Variants in ZNF679 observed in about 807,000 individuals in gnomAD.
The protein encoded by ZNF679 is zinc finger protein 679.
Under a neutral mutation model 13.4 loss-of-function variants are expected in ZNF679, and 10 were observed. That is an observed-to-expected ratio of 0.75 (90% CI 0.46 to 1.27). The LOEUF is 1.27. Ranked by LOEUF, ZNF679 falls within the 50% of genes most tolerant of loss-of-function variation. The pLI, the probability that ZNF679 is intolerant of heterozygous loss-of-function variation, is 0.00. For synonymous variants in ZNF679, 179 were observed against 162.5 expected, an observed-to-expected ratio of 1.10 and a Z score of -0.77; for missense variants, 525 against 477.8, an observed-to-expected ratio of 1.10 and a Z score of -0.92.
At chr7:64,247,079 A>C (rs1353123654) in intron 1 of ZNF679, among the ~76,000 whole-genome samples, 2 of 152,170 alleles carry the variant, frequency 1.3e-5, no homozygotes, top group Non-Finnish European at 2.9e-5. Flanking sequence ...ACTGGTGGGA[A>C]TGTCTTTCGC....
chr7:64,262,508 A>G (rs1218196723), intron 4 of ZNF679, among the ~76,000 whole-genome samples: 1 of 152,248 alleles, frequency 6.6e-6, no homozygotes, highest in Non-Finnish European at 1.5e-5. Flanking sequence ...ATGCAATTAA[A>G]GCATCCAAGT....
intron 1 of ZNF679, among the ~76,000 whole-genome samples, chr7:64,233,833 G>A (rs1192090516): frequency 6.6e-6 from 1 of 152,170 alleles, no homozygotes; most frequent in African/African-American, 2.4e-5. Context: ...CTACTCTGGA[G>A]ATGGGGAAAA....
At chr7:64,261,548 T>C (rs1420649793) in intron 4 of ZNF679, among the ~76,000 whole-genome samples, 1 of 152,148 alleles carries the variant, frequency 6.6e-6, no homozygotes, top group Non-Finnish European at 1.5e-5. Context: ...GATTTATAAA[T>C]AGAATTGCTG....
In ZNF679 at chr7:64,259,614, A is replaced by C. The variant is rs78018485; in HGVS notation, c.40-607A>C. 6.6e-3 allele frequency among the ~76,000 whole-genome samples: 1,010 copies of C among 152,292 alleles called. 54 individuals carry two copies. In the East Asian group the frequency reaches 0.12, roughly 18 times the overall value. On this transcript the variant is annotated intron_variant, in intron 2 of 4. Transcript: ENST00000421025. ...AAGTTATCTGTATCTTCAACTTTGC[A>C]TAAAACTGGTGTTTCTTTATAATTA...
chr7:64,237,239 G>A (rs1217925430), intron 1 of ZNF679, among the ~76,000 whole-genome samples: 9 of 152,302 alleles, frequency 5.9e-5, no homozygotes, highest in South Asian at 4.1e-4. Context: ...GGGCACTTAC[G>A]TAGCCTATAG....
chr7:64,259,075 C>A (rs1033383416), intron 2 of ZNF679, among the ~76,000 whole-genome samples: 2 of 151,986 alleles, frequency 1.3e-5, no homozygotes, highest in African/African-American at 4.8e-5. Context: ...CCACGCCCAG[C>A]TAATTTTTGT....
intron 1 of ZNF679, among the ~76,000 whole-genome samples, chr7:64,238,201 A>G (rs1239481564): frequency 6.6e-6 from 1 of 152,000 alleles, no homozygotes; most frequent in Non-Finnish European, 1.5e-5. Flanking sequence ...ACTCCTCTTC[A>G]TGTCCCTCCC....
rs377105653 is a variant in ZNF679, at chr7:64,266,588, A to G, written c.955A>G (p.Thr319Ala). The stretch of plus-strand genomic sequence containing the variant: ...CCTCACTTACCACAAGAGAATTCAT[A>G]CTGGAGAGAAACCCTACACATGTGA... ...SSLTYHKRIHTGEKPYTCEEC... is the reference protein window; with the variant it reads ...SSLTYHKRIHAGEKPYTCEEC... The change falls in exon 5 of 5, where the codon ACT (threonine) becomes GCT (alanine). Residue 319 changes from threonine (T) to alanine (A), a missense_variant. By Grantham distance (58) the Thr-to-Ala change is moderately conservative. Coordinates refer to ENST00000421025, the MANE Select transcript of ZNF679 (RefSeq NM_153363.3). 334 of 1,604,968 alleles carry G rather than the reference A, an allele frequency of 2.1e-4. 1 individual carries two copies. The African/African-American group carries it at 3.6e-3, about 17-fold the overall frequency.
rs781227508 is a variant in ZNF679 at position 64,260,334 on chromosome 7, C to A, written c.153C>A (p.Asn51Lys). 1.2e-6 allele frequency: 2 copies of A among 1,608,534 alleles called. No individual in the cohort carries two copies. Among genetic ancestry groups the A allele is most frequent in the African/African-American group, 2.7e-5 (2 of 74,438 alleles). Residue 51 changes from asparagine to lysine, a missense_variant, in exon 3 of 5, where the codon AAC becomes AAA. Coordinates refer to ENST00000421025, the MANE Select transcript of ZNF679 (RefSeq NM_153363.3). ...YRDVMLENYR[N>K]LVSLGIAVSK... Reference sequence around the variant, plus strand: ...ATGTGATGTTAGAGAACTACAGAAACCTGGTCTCCCTGGGTGAGGATAACT... The same window carrying A: ...ATGTGATGTTAGAGAACTACAGAAAACTGGTCTCCCTGGGTGAGGATAACT...
chr7:64,248,648 G>A (rs1188010949), intron 1 of ZNF679, among the ~76,000 whole-genome samples: 5 of 152,080 alleles, frequency 3.3e-5, no homozygotes. Context: ...CAAAGGACCC[G>A]CAGCAAGGAA....
chr7:64,240,827 G>T (rs1787789098), intron 1 of ZNF679, among the ~76,000 whole-genome samples: 1 of 152,194 alleles, frequency 6.6e-6, no homozygotes, highest in African/African-American at 2.4e-5. Context: ...TGTGGATTGA[G>T]TTCAACTATG....
At chr7:64,240,744 C>A (rs1396819072) in intron 1 of ZNF679, among the ~76,000 whole-genome samples, 2 of 152,180 alleles carry the variant, frequency 1.3e-5, no homozygotes, top group Non-Finnish European at 2.9e-5. Flanking sequence ...GAACTAATAC[C>A]TGGACCCAGT....
At chr7:64,252,804 G>A (rs970245975) in intron 2 of ZNF679, among the ~76,000 whole-genome samples, 5 of 152,184 alleles carry the variant, frequency 3.3e-5, no homozygotes, top group East Asian at 1.9e-4. Flanking sequence ...TGCAACCTCC[G>A]AAAACTGGGT....
intron 4 of ZNF679, 28 bp from the exon 5 acceptor site, chr7:64,265,868 A>G: frequency 6.2e-7 from 1 of 1,601,974 alleles, no homozygotes; most frequent in Non-Finnish European, 8.5e-7. Flanking sequence ...TAGTAAGTGA[A>G]GTAACTTGTG....
intron 2 of ZNF679, among the ~76,000 whole-genome samples, chr7:64,252,104 C>T (rs550495927): frequency 8.5e-4 from 130 of 152,238 alleles, no homozygotes; most frequent in Admixed American, 2.0e-3. Context: ...GTAATTGCAC[C>T]TGGGGAACTC....
intron 1 of ZNF679, among the ~76,000 whole-genome samples, chr7:64,246,821 A>G (rs1369783537): frequency 6.6e-6 from 1 of 152,170 alleles, no homozygotes; most frequent in Non-Finnish European, 1.5e-5. Flanking sequence ...TGCAGTGCAA[A>G]GCAAAAGCAA....
intron 1 of ZNF679, among the ~76,000 whole-genome samples, chr7:64,237,584 C>T (rs765767899): frequency 7.9e-5 from 12 of 152,158 alleles, no homozygotes; most frequent in Admixed American, 2.6e-4. Flanking sequence ...ACCAAACACA[C>T]GGCATTTGCT....
In ZNF679 at chr7:64,266,615, G is replaced by A. The variant is rs10949885; in HGVS notation, c.982G>A (p.Glu328Lys). 0.21 allele frequency: 337,036 copies of A among 1,613,316 alleles called. 38,157 individuals carry two copies. The highest frequency in any genetic ancestry group is 0.23 in the Non-Finnish European group (276,684 of 1,179,620). The change falls in exon 5 of 5, where the codon GAA becomes AAA. Residue 328 changes from glutamate (E) to lysine (K), a missense_variant. By Grantham distance (56) the Glu-to-Lys change is moderately conservative. Transcript: ENST00000421025. Reference protein sequence around the residue: ...HTGEKPYTCEECGKAFNCSST... With the variant: ...HTGEKPYTCEKCGKAFNCSST... ...TGGAGAGAAACCCTACACATGTGAA[G>A]AATGTGGCAAAGCCTTTAACTGCTC... is the stretch of plus-strand genomic sequence containing the variant.
chr7:64,257,763 G>A (rs1298127782), intron 2 of ZNF679, among the ~76,000 whole-genome samples: 3 of 152,208 alleles, frequency 2.0e-5, no homozygotes, highest in African/African-American at 7.2e-5. Flanking sequence ...TGTACCAGAA[G>A]TATTTATATT....
Sources: gnomAD v4.1 joint callset for allele counts (sites outside exome capture counted in the v4.1 genomes callset) on GRCh38, gnomAD v4.1.1 for gene constraint, MANE v1.5 for transcripts, NCBI Gene and HGNC (gene_info 2026-07-23, HGNC 2026-07-21) for gene names.